MB: variants seen among roughly 807,000 people sequenced by gnomAD.
The protein encoded by MB is nitrite reductase MB.
MB carries 10 observed loss-of-function variants against 14.5 expected under a neutral mutation model. The observed-to-expected ratio is 0.69, with a 90% confidence interval of 0.43 to 1.17. MB has a LOEUF of 1.17. MB is among the 50% of genes most tolerant of loss of function. The pLI is 0.00. For synonymous variants in MB, 89 were observed against 78.6 expected, an observed-to-expected ratio of 1.13 and a Z score of -0.70; for missense variants, 169 against 192.7, an observed-to-expected ratio of 0.88 and a Z score of 0.73.
At chr22:35,607,555 A>G in intron 2 of MB, 112 bp from the exon 3 acceptor site, 1 of 1,005,664 alleles carries the variant, frequency 9.9e-7, no homozygotes, top group Non-Finnish European at 1.5e-6. Flanking sequence ...TGTATTGAGC[A>G]CTTGCTAGGC....
chr22:35,617,398 G>A (rs879048351), upstream of MB: 4 of 626,046 alleles, frequency 6.4e-6, no homozygotes, highest in Admixed American at 2.6e-5. Context: ...TCAATGGCTC[G>A]CTGTCCCCCT....
chr22:35,607,438 G>T lies in MB; in HGVS notation c.324C>A (p.Ile108=). ...HKIPVKYLEF[I]SECIIQVLQS... is the part of the protein sequence containing the mutation. ...GCAGAACCTGGATGATGCATTCCGA[G>T]ATGAACTGCAGGGAGGGTGAGGAGA... Residue 108 remains isoleucine, a synonymous_variant, in exon 3 of 3, where the codon ATC becomes ATA. Coordinates refer to ENST00000397326, the MANE Select transcript of MB (RefSeq NM_005368.3). 1 of 1,613,900 alleles carries T rather than the reference G, an allele frequency of 6.2e-7. No individual in the cohort carries two copies. The highest frequency in any genetic ancestry group is 8.5e-7 in the Non-Finnish European group (1 of 1,179,814).
At chr22:35,609,241 C>T (rs1246406582) in intron 2 of MB, among the ~76,000 whole-genome samples, 1 of 152,192 alleles carries the variant, frequency 6.6e-6, no homozygotes, top group Non-Finnish European at 1.5e-5. Context: ...GACAAATTAT[C>T]ACACAGCCTG....
exon 1 of MB, chr22:35,623,276 C>T (rs955135032): frequency 2.0e-5 from 3 of 152,332 alleles, no homozygotes; most frequent in Non-Finnish European, 4.4e-5. Context: ...TGGCTAAGAA[C>T]TGGTCTAATT....
At chr22:35,614,740 TC>T (rs1569121024) in intron 1 of MB, among the ~76,000 whole-genome samples, 1 of 21,112 alleles carries the variant, frequency 4.7e-5, no homozygotes, top group African/African-American at 1.3e-3. Context: ...TCTACCATTA[TC>T]ATTATCATTA....
chr22:35,607,183 C>T lies in MB; in HGVS notation c.*114G>A. The T allele has an allele frequency of 1.6e-6, 2 of 1,279,198 alleles. No homozygotes were observed. The highest frequency in any genetic ancestry group is 2.1e-6 in the Non-Finnish European group (2 of 941,560). 79.2% of individuals were successfully genotyped at this position (1,279,198 alleles called of 1,614,324 possible). A position where few individuals can be genotyped will look rare whatever the true frequency, so the allele number is the denominator to read the frequency against. On this transcript the variant is annotated 3_prime_UTR_variant, in exon 3 of 3. Transcript: ENST00000397326. ...CAGCCCCTCAGCTCCTCCTGCCCAC[C>T]TCTACTAAACAAAGCAGACACTCAG...
At chr22:35,611,178 T>C (rs183686517) in intron 1 of MB, 72 bp from the exon 2 acceptor site, 2 of 1,096,548 alleles carry the variant, frequency 1.8e-6, no homozygotes, top group East Asian at 4.7e-5. Context: ...CAGACTAGAG[T>C]TCAAGTTTAG....
intron 2 of MB, 110 bp from the exon 3 acceptor site, chr22:35,607,553 G>T: frequency 9.8e-7 from 1 of 1,024,558 alleles, no homozygotes; most frequent in Non-Finnish European, 1.4e-6. Context: ...CGTGTATTGA[G>T]CACTTGCTAG....
chr22:35,608,071 G>T lies in MB; in HGVS notation c.319-628C>A, dbSNP rs1344847392. On this transcript the variant is annotated intron_variant, in intron 2 of 2. Transcript: ENST00000397326. This position sits in a 1 kb window ranked among gnomAD's most constrained non-coding sequence, Gnocchi z 4.3. ...GGATGAGGCCCGCGGCTGGCTCCCA[G>T]GATGGAGAATGTCTGCTATCAGCCT... Among the ~76,000 whole-genome samples the T allele has an allele frequency of 4.6e-5, 7 of 152,200 alleles. No homozygotes were observed. The highest frequency in any genetic ancestry group is 7.3e-5 in the Non-Finnish European group (5 of 68,032).
At chr22:35,609,776 G>A (rs1464383964) in intron 2 of MB, among the ~76,000 whole-genome samples, 2 of 152,214 alleles carry the variant, frequency 1.3e-5, no homozygotes, top group Admixed American at 1.3e-4. Flanking sequence ...CAGAACACTA[G>A]TTGTATTTGG....
At chr22:35,615,408 G>A (rs965720385) in intron 1 of MB, among the ~76,000 whole-genome samples, 9 of 152,140 alleles carry the variant, frequency 5.9e-5, no homozygotes, top group Admixed American at 2.0e-4. Context: ...GCAACCCTAG[G>A]CATTATGTCT....
chr22:35,610,843 C>T (rs1569119299), intron 2 of MB, 41 bp downstream of exon 2: 1 of 1,541,950 alleles, frequency 6.5e-7, no homozygotes, highest in Non-Finnish European at 8.8e-7. Flanking sequence ...CCACCCGAGG[C>T]CTTCCCCGCA....
At chr22:35,610,851 G>C (rs759542944) in intron 2 of MB, 33 bp downstream of exon 2, 2 of 1,548,898 alleles carry the variant, frequency 1.3e-6, no homozygotes, top group East Asian at 2.3e-5. Context: ...GGCCTTCCCC[G>C]CATCCTCCCA....
chr22:35,617,066 A>G (rs1923127417), intron 1 of MB, 97 bp downstream of exon 1: 2 of 899,298 alleles, frequency 2.2e-6, no homozygotes, highest in Non-Finnish European at 1.9e-6. Flanking sequence ...TAATGCAGCC[A>G]ACTGACCTAC....
intron 2 of MB, among the ~76,000 whole-genome samples, chr22:35,609,119 A>G (rs1922381657): frequency 1.3e-5 from 2 of 152,160 alleles, no homozygotes; most frequent in Non-Finnish European, 2.9e-5. Context: ...TCCTCTCTAG[A>G]GAGAGAACTC....
At chr22:35,621,189 T>C (rs951548742), upstream of MB, among the ~76,000 whole-genome samples, 1 of 152,174 alleles carries the variant, frequency 6.6e-6, no homozygotes, top group Non-Finnish European at 1.5e-5. Flanking sequence ...TGCAAAACTT[T>C]CTACAGCCTT....
At chr22:35,619,088 C>A (rs1253196016), upstream of MB, among the ~76,000 whole-genome samples, 1 of 152,250 alleles carries the variant, frequency 6.6e-6, no homozygotes, top group Non-Finnish European at 1.5e-5. Flanking sequence ...ATCCCTCTCA[C>A]AGTGATAGAG....
chr22:35,609,378 T>C (rs1031122703), intron 2 of MB, among the ~76,000 whole-genome samples: 2 of 152,108 alleles, frequency 1.3e-5, no homozygotes. Flanking sequence ...TGGGCCTTAG[T>C]GGATGAACAG....
At chr22:35,617,785 C>A (rs1923192788), upstream of MB, among the ~76,000 whole-genome samples, 1 of 152,138 alleles carries the variant, frequency 6.6e-6, no homozygotes, top group African/African-American at 2.4e-5. Flanking sequence ...TGCCAGAGAC[C>A]CCTCACCCAG....
Sources: gnomAD v4.1 joint callset for allele counts (sites outside exome capture counted in the v4.1 genomes callset) on GRCh38, gnomAD v4.1.1 for gene constraint, Gnocchi (gnomAD v3.1) non-coding constraint, MANE v1.5 for transcripts, NCBI Gene and HGNC (gene_info 2026-07-23, HGNC 2026-07-21) for gene names.